The following GALK2 variants were observed in gnomAD, a reference collection of about 807,000 sequenced individuals.
The protein encoded by GALK2 is N-acetylgalactosamine kinase.
Under a neutral mutation model 52.4 loss-of-function variants are expected in GALK2, and 36 were observed. The observed-to-expected ratio is 0.69, with a 90% confidence interval of 0.53 to 0.91. The LOEUF is 0.91. Ranked by LOEUF, GALK2 falls within the 40% of genes least tolerant of loss-of-function variation. The pLI, the probability that GALK2 is intolerant of heterozygous loss-of-function variation, is 0.00. For missense variants in GALK2, 579 were observed against 559.1 expected, an observed-to-expected ratio of 1.04 and a Z score of -0.36; for synonymous variants, 176 against 199.1, an observed-to-expected ratio of 0.88 and a Z score of 0.98.
chr15:49,365,958 T>C, intron 3 of GALK2: 1 of 870,090 alleles, frequency 1.1e-6, no homozygotes, highest in South Asian at 1.3e-5. Context: ...AAACTAACCA[T>C]TTGTGGAAGA....
chr15:49,317,912 G>A (rs1274267897), intron 8 of GALK2, among the ~76,000 whole-genome samples: 1 of 152,084 alleles, frequency 6.6e-6, no homozygotes, highest in South Asian at 2.1e-4. Flanking sequence ...CCTGTCAGTG[G>A]GTTGGGAGCT....
intron 2 of GALK2, among the ~76,000 whole-genome samples, chr15:49,213,662 AT>A (rs2089127311): frequency 6.6e-6 from 1 of 151,878 alleles, no homozygotes; most frequent in East Asian, 1.9e-4. Flanking sequence ...TTTATTGGGA[AT>A]TTAGTCCATT....
intron 5 of GALK2, among the ~76,000 whole-genome samples, chr15:49,264,960 G>A (rs146090069): frequency 0.022 from 3,383 of 152,184 alleles, 103 homozygotes; most frequent in South Asian, 0.077. Context: ...GTACCCAGCC[G>A]TGTGAGGTGT....
At chr15:49,273,095 T>A (rs887710660) in intron 5 of GALK2, among the ~76,000 whole-genome samples, 3 of 152,214 alleles carry the variant, frequency 2.0e-5, no homozygotes, top group Non-Finnish European at 4.4e-5. Context: ...CTGTTGTCCT[T>A]TTGTGATACA....
chr15:49,222,883 A>G (rs1362806332), intron 3 of GALK2, among the ~76,000 whole-genome samples: 1 of 152,202 alleles, frequency 6.6e-6, no homozygotes, highest in African/African-American at 2.4e-5. Flanking sequence ...TAATTTTAGC[A>G]TCAGAGTGAT....
At chr15:49,312,125 C>T (rs114498674) in intron 8 of GALK2, among the ~76,000 whole-genome samples, 64 of 152,324 alleles carry the variant, frequency 4.2e-4, no homozygotes, top group African/African-American at 1.5e-3. Flanking sequence ...TAGATCCAGA[C>T]ACCCTCTTGA....
intron 5 of GALK2, among the ~76,000 whole-genome samples, chr15:49,252,156 A>G (rs1016722968): frequency 1.4e-4 from 22 of 152,064 alleles, no homozygotes; most frequent in African/African-American, 4.1e-4. Context: ...AATCCCAGCT[A>G]TCAGGAGGCT....
In GALK2 at chr15:49,211,805, G is replaced by A. The variant is rs78694508; in HGVS notation, c.143-5385G>A. 5.9e-3 allele frequency among the ~76,000 whole-genome samples: 902 copies of A among 152,262 alleles called. 19 individuals carry two copies. The highest frequency in any genetic ancestry group is 0.021 in the African/African-American group (861 of 41,542). ...AACTCTATCATGAGAACCACACTCAGGAGATTGTGTTAAGCCATTAGAAAC... is the reference window on the plus strand; with the variant it reads ...AACTCTATCATGAGAACCACACTCAAGAGATTGTGTTAAGCCATTAGAAAC... On this transcript the variant is annotated intron_variant, in intron 2 of 9. Coordinates refer to ENST00000560031, the MANE Select transcript of GALK2 (RefSeq NM_002044.4).
At chr15:49,182,312 C>T (rs1026697137) in intron 1 of GALK2, among the ~76,000 whole-genome samples, 1 of 152,208 alleles carries the variant, frequency 6.6e-6, no homozygotes, top group Non-Finnish European at 1.5e-5. Context: ...CATGTTGCTG[C>T]AAATGACAGG....
In GALK2 at chr15:49,183,804, T is replaced by C. The variant is rs368079254; in HGVS notation, c.53+13429T>C. Among the ~76,000 whole-genome samples the C allele has an allele frequency of 8.0e-5, 12 of 149,976 alleles. No individual in the cohort carries two copies. In the East Asian group the frequency reaches 2.2e-3, roughly 27 times the overall value. ...GTTGTGGTGAGCCAAGATCACACCA[T>C]TGCACTCCAGCCTGGGCAACAAGAA... On this transcript the variant is annotated intron_variant, in intron 1 of 9. Transcript: ENST00000560031.
chr15:49,204,083 A>G (rs140488010), intron 2 of GALK2, among the ~76,000 whole-genome samples: 4 of 147,306 alleles, frequency 2.7e-5, no homozygotes, highest in Non-Finnish European at 4.4e-5. Flanking sequence ...CCACTACTGC[A>G]CTCCAGCAGG....
Position 49,329,237 on chromosome 15 carries a change from A to G in GALK2, c.*1078A>G. On this transcript the variant is annotated 3_prime_UTR_variant, in exon 10 of 10. Transcript: ENST00000560031. ...TAATGGTATTGATGGGTATCTCTGT[A>G]TGTATATCAAGAGTGGGCAGAAATG... The G allele has an allele frequency of 1.0e-6, 1 of 985,772 alleles. No individual in the cohort carries two copies. The highest frequency in any genetic ancestry group is 1.2e-6 in the Non-Finnish European group (1 of 830,182). 61.1% of individuals were successfully genotyped at this position (985,772 alleles called of 1,614,324 possible).
intron 1 of GALK2, among the ~76,000 whole-genome samples, chr15:49,175,986 C>T (rs910960782): frequency 2.6e-5 from 4 of 152,178 alleles, no homozygotes; most frequent in Admixed American, 2.6e-4. Flanking sequence ...TCGGGGAGCT[C>T]GGCTCTTGAG....
chr15:49,322,047 G>A (rs1834547140), intron 9 of GALK2, among the ~76,000 whole-genome samples: 1 of 152,206 alleles, frequency 6.6e-6, no homozygotes, highest in Non-Finnish European at 1.5e-5. Context: ...GGCTTTTTCT[G>A]TTCTAGCAGT....
At chr15:49,247,284 C>T (rs1238610782) in intron 5 of GALK2, among the ~76,000 whole-genome samples, 1 of 152,096 alleles carries the variant, frequency 6.6e-6, no homozygotes, top group Non-Finnish European at 1.5e-5. Context: ...TGGTGTGTAG[C>T]ATCTTCTTTG....
rs541897622 is a variant in GALK2 at position 49,254,322 on chromosome 15, A to G, written c.504+14955A>G. ...AAAGACCATAAATCTCTTACATTTT[A>G]AGTAAGTTACAGAGAAAGTAAAATT... On this transcript the variant is annotated intron_variant, in intron 5 of 9. Coordinates refer to ENST00000560031, the MANE Select transcript of GALK2 (RefSeq NM_002044.4). Among the ~76,000 whole-genome samples the G allele has an allele frequency of 3.6e-4, 52 of 144,340 alleles. 5 individuals carry two copies. The highest frequency in any genetic ancestry group is 1.2e-3 in the African/African-American group (50 of 40,442). The allele number at this position is 144,340 out of a possible 152,430, so 94.7% of individuals were successfully genotyped here.
chr15:49,302,283 A>G (rs2035179078), intron 8 of GALK2, among the ~76,000 whole-genome samples: 1 of 152,190 alleles, frequency 6.6e-6, no homozygotes, highest in Non-Finnish European at 1.5e-5. Flanking sequence ...AGGAGTAATG[A>G]TAAAGATAGG....
intron 1 of GALK2, among the ~76,000 whole-genome samples, chr15:49,199,662 A>C (rs2087560484): frequency 6.6e-6 from 1 of 152,198 alleles, no homozygotes. Context: ...ATATCTTTTG[A>C]GAATTTGAAC....
chr15:49,284,257 TA>T (rs2033090041), intron 7 of GALK2, among the ~76,000 whole-genome samples: 1 of 152,156 alleles, frequency 6.6e-6, no homozygotes, highest in African/African-American at 2.4e-5. Flanking sequence ...TAAATCTATT[TA>T]GGTAGTATTC....
Sources: gnomAD v4.1 joint callset for allele counts (sites outside exome capture counted in the v4.1 genomes callset) on GRCh38, gnomAD v4.1.1 for gene constraint, MANE v1.5 for transcripts, NCBI Gene and HGNC (gene_info 2026-07-23, HGNC 2026-07-21) for gene names.